Variants in PHKA1 observed in about 807,000 individuals in gnomAD.
The protein encoded by PHKA1 is phosphorylase kinase regulatory subunit alpha 1.
Under a neutral mutation model 110.2 loss-of-function variants are expected in PHKA1, and 60 were observed. That is an observed-to-expected ratio of 0.54 (90% CI 0.44 to 0.68). The LOEUF (loss-of-function observed/expected upper bound fraction) is 0.68, where lower values mean the gene tolerates loss of function less well. Ranked by LOEUF, PHKA1 falls within the 30% of genes least tolerant of loss-of-function variation. PHKA1 has a pLI of 0.00. For synonymous variants in PHKA1, 316 were observed against 333.6 expected (o/e 0.95, Z 0.58); for missense variants, 801 against 942.5 (o/e 0.85, Z 1.97).
intron 13 of PHKA1, among the ~76,000 whole-genome samples, chrX:72,647,666 T>C (rs1373279526): frequency 9.1e-6 from 1 of 110,270 alleles, no homozygotes. Context: ...TCATCTATGG[T>C]ATAGGAGGTG....
At chrX:72,646,723 TG>T (rs1257921098) in intron 13 of PHKA1, among the ~76,000 whole-genome samples, 4 of 111,752 alleles carry the variant, frequency 3.6e-5, no homozygotes, top group Non-Finnish European at 7.5e-5. Context: ...GGGAAGCCCT[TG>T]TAGAGGCATA....
intron 28 of PHKA1, among the ~76,000 whole-genome samples, chrX:72,598,712 C>A (rs1002474750): frequency 1.8e-5 from 2 of 111,598 alleles, no homozygotes; most frequent in Non-Finnish European, 3.8e-5. Flanking sequence ...ACATAATGAA[C>A]TTTGAAAAAC....
intron 10 of PHKA1, among the ~76,000 whole-genome samples, chrX:72,655,039 C>T (rs904993365): frequency 6.9e-4 from 76 of 110,150 alleles, no homozygotes; most frequent in African/African-American, 2.4e-3. Flanking sequence ...CCTCGTGATC[C>T]GCCCGCCTCG....
At chrX:72,681,448 G>A (rs1556315185) in intron 5 of PHKA1, among the ~76,000 whole-genome samples, 2 of 105,722 alleles carry the variant, frequency 1.9e-5, no homozygotes, top group Non-Finnish European at 3.9e-5. Flanking sequence ...GGGAGGTGGG[G>A]GGGTCAGCCC....
At chrX:72,709,398 A>AG (rs1435689058) in intron 2 of PHKA1, 5 of 107,675 alleles carry the variant, frequency 4.6e-5, no homozygotes, top group Non-Finnish European at 9.6e-5. Context: ...AGGATGCAGT[A>AG]GTTGCCTAAA....
intron 6 of PHKA1, among the ~76,000 whole-genome samples, chrX:72,670,822 C>T (rs1556308689): frequency 8.9e-6 from 1 of 111,766 alleles, no homozygotes; most frequent in African/African-American, 3.3e-5. Flanking sequence ...TAAACAGAAC[C>T]AAAGACAAAA....
At chrX:72,644,587 G>GA (rs1314983007) in intron 13 of PHKA1, 91 bp from the exon 14 acceptor site, 3 of 793,775 alleles carry the variant, frequency 3.8e-6, no homozygotes, top group Non-Finnish European at 5.5e-6. Context: ...CTTTTAAAGA[G>GA]AAAAAAAGGA....
intron 22 of PHKA1, 97 bp from the exon 23 acceptor site, chrX:72,609,800 A>G (rs1457357919): frequency 3.4e-6 from 2 of 592,153 alleles, no homozygotes; most frequent in African/African-American, 4.4e-5. Context: ...CCTCTTTAAC[A>G]TAATGACACA....
chrX:72,602,977 A>G, intron 26 of PHKA1, 142 bp downstream of exon 26: 1 of 485,979 alleles, frequency 2.1e-6, no homozygotes. Flanking sequence ...CTTGTTCCAG[A>G]AGACAGCTTG....
At chrX:72,585,240 C>T (rs1556210511) in intron 29 of PHKA1, among the ~76,000 whole-genome samples, 2 of 110,978 alleles carry the variant, frequency 1.8e-5, no homozygotes. Context: ...GTATAAACTA[C>T]AGCAGTCCAA....
intron 22 of PHKA1, among the ~76,000 whole-genome samples, chrX:72,610,601 C>T (rs782230795): frequency 9.0e-6 from 1 of 111,575 alleles, no homozygotes; most frequent in South Asian, 3.8e-4. Context: ...AGATATCTCT[C>T]CCATATACTG....
At chrX:72,603,014 T>C (rs2052677801) in intron 26 of PHKA1, 105 bp downstream of exon 26, 3 of 553,395 alleles carry the variant, frequency 5.4e-6, no homozygotes, top group East Asian at 7.2e-5. Flanking sequence ...TTGGAGTTTA[T>C]TTATTTGGGG....
chrX:72,633,212 A>G (rs1315156904), intron 16 of PHKA1, among the ~76,000 whole-genome samples: 1 of 111,817 alleles, frequency 8.9e-6, no homozygotes, highest in African/African-American at 3.3e-5. Flanking sequence ...TTAATCACCA[A>G]TGTGATAGCA....
chrX:72,707,697 G>A (rs1016592930), intron 2 of PHKA1, among the ~76,000 whole-genome samples: 3 of 109,572 alleles, frequency 2.7e-5, no homozygotes, highest in African/African-American at 1.0e-4. Flanking sequence ...ATGACAAAGT[G>A]TTAACAACTA....
At chrX:72,644,553 A>C in intron 13 of PHKA1, 57 bp from the exon 14 acceptor site, 2 of 1,026,943 alleles carry the variant, frequency 1.9e-6, no homozygotes, top group South Asian at 3.9e-5. Flanking sequence ...TAGCAACTTA[A>C]CAATCTCTCA....
chrX:72,668,572 A>C, intron 6 of PHKA1, among the ~76,000 whole-genome samples: 1 of 111,785 alleles, frequency 8.9e-6, no homozygotes, highest in Non-Finnish European at 1.9e-5. Flanking sequence ...AGTTATCTGT[A>C]ATTCCTCAAT....
intron 25 of PHKA1, 136 bp downstream of exon 25, chrX:72,605,135 C>A (rs1556248776): frequency 9.0e-6 from 5 of 558,245 alleles, no homozygotes; most frequent in Non-Finnish European, 1.5e-5. Context: ...TAGTGACCAA[C>A]AGGGGAACAA....
chrX:72,583,376 A>C (rs1469517251), intron 30 of PHKA1, among the ~76,000 whole-genome samples: 1 of 112,225 alleles, frequency 8.9e-6, no homozygotes, highest in African/African-American at 3.2e-5. Context: ...TAATGTTTGA[A>C]GACTCTTAAA....
At chrX:72,604,480 CAT>C (rs1176329804) in intron 25 of PHKA1, among the ~76,000 whole-genome samples, 11 of 111,838 alleles carry the variant, frequency 9.8e-5, no homozygotes, top group South Asian at 3.7e-4. Context: ...TAAATTATCT[CAT>C]GTGTTTGAGT....
Sources: gnomAD v4.1 joint callset for allele counts (sites outside exome capture counted in the v4.1 genomes callset) on GRCh38, gnomAD v4.1.1 for gene constraint, MANE v1.5 for transcripts, NCBI Gene and HGNC (gene_info 2026-07-23, HGNC 2026-07-21) for gene names.